The following NCALD variants were observed in gnomAD, a reference collection of about 807,000 sequenced individuals.
NCALD encodes the protein neurocalcin delta.
A neutral mutation model predicts 18.6 loss-of-function variants in NCALD; 10 were observed. The ratio of observed to expected loss-of-function variants is 0.54; its 90% confidence interval spans 0.33 to 0.91. The LOEUF is 0.91. NCALD is among the 40% of genes least tolerant of loss of function. The pLI is 0.03. For missense variants in NCALD, 184 were observed against 247.6 expected (o/e 0.74, Z 1.72); for synonymous variants, 88 against 87.4 (o/e 1.01, Z -0.04).
intron 1 of NCALD, among the ~76,000 whole-genome samples, chr8:102,051,224 G>A (rs1452154327): frequency 6.6e-6 from 1 of 152,024 alleles, no homozygotes; most frequent in East Asian, 1.9e-4. Context: ...TTGGATCCTG[G>A]CTCCACCCCT....
intron 4 of NCALD, among the ~76,000 whole-genome samples, chr8:101,821,800 C>A (rs1813726776): frequency 7.1e-6 from 1 of 139,888 alleles, no homozygotes; most frequent in South Asian, 2.4e-4. Flanking sequence ...AGCAGCACTA[C>A]AAATTGGGGA....
chr8:102,072,595 TG>T (rs2132299911), intron 1 of NCALD, among the ~76,000 whole-genome samples: 1 of 152,196 alleles, frequency 6.6e-6, no homozygotes, highest in South Asian at 2.1e-4. Flanking sequence ...AGCAGACAGA[TG>T]GAAGAAAGCA....
chr8:101,950,441 T>A (rs1473053579), intron 2 of NCALD: 1 of 152,210 alleles, frequency 6.6e-6, no homozygotes, highest in Non-Finnish European at 1.5e-5. Flanking sequence ...TTGGATGTCT[T>A]CTTAAGAGAC....
At chr8:102,091,692 A>T (rs1824929220) in intron 1 of NCALD, among the ~76,000 whole-genome samples, 1 of 152,252 alleles carries the variant, frequency 6.6e-6, no homozygotes, top group Non-Finnish European at 1.5e-5. Context: ...GGATAAGCTT[A>T]CTGAATGTTT....
intron 2 of NCALD, among the ~76,000 whole-genome samples, chr8:102,001,787 G>C (rs933631321): frequency 1.3e-5 from 2 of 152,176 alleles, no homozygotes; most frequent in Non-Finnish European, 1.5e-5. Flanking sequence ...AGCTTCATAA[G>C]TGAAGGAGAA....
chr8:102,028,841 G>T (rs1048579302), intron 1 of NCALD, among the ~76,000 whole-genome samples: 2 of 152,114 alleles, frequency 1.3e-5, no homozygotes, highest in Admixed American at 1.3e-4. Context: ...AGAGTAAAGG[G>T]GGGTACTAGC....
chr8:101,820,907 G>A (rs919027237), intron 4 of NCALD, among the ~76,000 whole-genome samples: 3 of 152,218 alleles, frequency 2.0e-5, no homozygotes, highest in African/African-American at 4.8e-5. Context: ...ATTTGGGAAA[G>A]CAATCAGAGA....
upstream of NCALD, among the ~76,000 whole-genome samples, chr8:101,795,334 T>A (rs1209840175): frequency 6.6e-6 from 1 of 152,156 alleles, no homozygotes; most frequent in Admixed American, 6.5e-5. Context: ...TGGACTGCTA[T>A]AACAAAATAC....
intron 1 of NCALD, among the ~76,000 whole-genome samples, chr8:102,104,379 T>G (rs1337906248): frequency 6.6e-6 from 1 of 152,078 alleles, no homozygotes; most frequent in Non-Finnish European, 1.5e-5. Context: ...GCCCTTCAAG[T>G]CTTATCCTTC....
intron 2 of NCALD, among the ~76,000 whole-genome samples, chr8:101,950,013 C>T (rs748748602): frequency 9.2e-5 from 14 of 152,148 alleles, no homozygotes; most frequent in East Asian, 1.9e-4. Context: ...TAATTAAAGC[C>T]GGAGCAGCTG....
At chr8:101,849,887 C>G (rs1815021588) in intron 4 of NCALD, among the ~76,000 whole-genome samples, 1 of 152,166 alleles carries the variant, frequency 6.6e-6, no homozygotes, top group Non-Finnish European at 1.5e-5. Flanking sequence ...AGACGGGGGC[C>G]CTTCCCTGTG....
At chr8:101,966,627 TATA>T (rs983812089) in intron 2 of NCALD, among the ~76,000 whole-genome samples, 19 of 151,844 alleles carry the variant, frequency 1.3e-4, no homozygotes, top group South Asian at 2.1e-4. Flanking sequence ...AAACTTAAAG[TATA>T]ATAATAATAA....
chr8:101,941,813 A>G (rs1818969070), intron 2 of NCALD, among the ~76,000 whole-genome samples: 1 of 152,260 alleles, frequency 6.6e-6, no homozygotes, highest in African/African-American at 2.4e-5. Context: ...GCTATTTTAC[A>G]GTCATTAATA....
intron 2 of NCALD, among the ~76,000 whole-genome samples, chr8:101,953,014 G>A (rs986316362): frequency 2.0e-5 from 3 of 151,924 alleles, no homozygotes; most frequent in South Asian, 4.2e-4. Flanking sequence ...GAGGAGTTTG[G>A]GTGGCTGCAC....
At chr8:101,733,681 C>T (rs2130615339) in intron 1 of NCALD, among the ~76,000 whole-genome samples, 1 of 152,224 alleles carries the variant, frequency 6.6e-6, no homozygotes, top group African/African-American at 2.4e-5. Context: ...CCACAGAGAA[C>T]TAGAAAGAAA....
chr8:101,951,459 G>A (rs1003827049), intron 2 of NCALD, among the ~76,000 whole-genome samples: 5 of 152,162 alleles, frequency 3.3e-5, no homozygotes, highest in Admixed American at 2.0e-4. Flanking sequence ...ACAAATGTCA[G>A]GGAGGGAGCG....
intron 4 of NCALD, among the ~76,000 whole-genome samples, chr8:101,867,960 C>A (rs943504381): frequency 6.6e-6 from 1 of 152,176 alleles, no homozygotes; most frequent in Non-Finnish European, 1.5e-5. Context: ...CCCCGCCCCC[C>A]GCCAACCTTT....
intron 1 of NCALD, among the ~76,000 whole-genome samples, chr8:102,071,583 A>G (rs1824179431): frequency 6.6e-6 from 1 of 152,226 alleles, no homozygotes; most frequent in Non-Finnish European, 1.5e-5. Context: ...AGGTTACATA[A>G]TTATATATCT....
rs570211624 is a variant in NCALD at position 101,910,957 on chromosome 8, A to G, written c.-107+4852T>C. Among the ~76,000 whole-genome samples the G allele has an allele frequency of 4.1e-4, 63 of 152,302 alleles. No individual in the cohort carries two copies. The Middle Eastern group carries it at 0.01, about 25-fold the overall frequency. ...GCTAAAGATAAATGCACTTGCTCTG[A>G]GCTTTCACTGAATGCCTCCTTCACA... On this transcript the variant is annotated intron_variant, in intron 3 of 6. Coordinates refer to the NCALD transcript ENST00000311028.
Sources: gnomAD v4.1 joint callset for allele counts (sites outside exome capture counted in the v4.1 genomes callset) on GRCh38, gnomAD v4.1.1 for gene constraint, MANE v1.5 for transcripts, NCBI Gene and HGNC (gene_info 2026-07-23, HGNC 2026-07-21) for gene names.